CCDC170: variants seen among roughly 807,000 people sequenced by gnomAD.
The protein encoded by CCDC170 is coiled-coil domain containing 170.
A neutral mutation model predicts 72.6 loss-of-function variants in CCDC170; 69 were observed. The observed-to-expected ratio is 0.95, with a 90% CI of 0.78 to 1.16. CCDC170 has a LOEUF of 1.16. CCDC170 is among the 50% of genes most tolerant of loss of function. CCDC170 has a pLI of 0.00. For missense variants in CCDC170, 852 were observed against 832.5 expected, an observed-to-expected ratio of 1.02 and a Z score of -0.29; for synonymous variants, 300 against 303.9, an observed-to-expected ratio of 0.99 and a Z score of 0.13.
chr6:151,571,525 C>G (rs1378360459), intron 5 of CCDC170, among the ~76,000 whole-genome samples: 1 of 152,088 alleles, frequency 6.6e-6, no homozygotes, highest in African/African-American at 2.4e-5. Context: ...GTTGGGAGTT[C>G]AAGACCAGCC....
chr6:151,593,349 A>T (rs1776573375), intron 8 of CCDC170, 69 bp downstream of exon 8: 3 of 1,489,526 alleles, frequency 2.0e-6, no homozygotes, highest in Non-Finnish European at 2.8e-6. Context: ...TTGAAAAATA[A>T]TGTACTGCCA....
At chr6:151,581,898 A>G (rs1411159839) in intron 6 of CCDC170, among the ~76,000 whole-genome samples, 1 of 152,264 alleles carries the variant, frequency 6.6e-6, no homozygotes. Flanking sequence ...TTACTGAGCC[A>G]TAGGTCTCAA....
intron 5 of CCDC170, among the ~76,000 whole-genome samples, chr6:151,551,085 TAGAA>T (rs1942886654): frequency 6.6e-6 from 1 of 152,124 alleles, no homozygotes; most frequent in African/African-American, 2.4e-5. Context: ...TTCAAATATA[TAGAA>T]AGAGTGAAGG....
intron 6 of CCDC170, among the ~76,000 whole-genome samples, chr6:151,578,708 T>C (rs9371222): frequency 0.92 from 139,870 of 152,262 alleles, 64,487 homozygotes; most frequent in East Asian, 0.99. Flanking sequence ...ACAGTGCTGG[T>C]CACACAAGCC....
At chr6:151,529,328 A>T (rs1782458847) in intron 1 of CCDC170, among the ~76,000 whole-genome samples, 1 of 152,164 alleles carries the variant, frequency 6.6e-6, no homozygotes, top group South Asian at 2.1e-4. Context: ...ACAGGAATTT[A>T]TGGTTTCAAC....
chr6:151,565,661 A>T (rs910222909), intron 5 of CCDC170, among the ~76,000 whole-genome samples: 2 of 152,186 alleles, frequency 1.3e-5, no homozygotes, highest in Admixed American at 1.3e-4. Flanking sequence ...CTAGTCCATC[A>T]TCTTGAAGCC....
rs75199497 is a variant in CCDC170 at position 151,603,458 on chromosome 6, A to G, written c.1710+6881A>G. On this transcript the variant is annotated intron_variant, in intron 9 of 10. Coordinates refer to ENST00000239374, the MANE Select transcript of CCDC170 (RefSeq NM_025059.4). ...TTCTTATTAGCCCAGGATAACTACT[A>G]ATTGGCACAAACATAGCCTTATACA... Among the ~76,000 whole-genome samples the G allele has an allele frequency of 1.8e-4, 28 of 152,342 alleles. No individual in the cohort carries two copies. In the East Asian group the frequency reaches 5.2e-3, roughly 28 times the overall value.
chr6:151,601,961 A>G (rs1776716270), intron 9 of CCDC170, among the ~76,000 whole-genome samples: 1 of 152,206 alleles, frequency 6.6e-6, no homozygotes, highest in Non-Finnish European at 1.5e-5. Context: ...GATATACCAC[A>G]TTTTGGTTGT....
chr6:151,494,106 C>A lies in CCDC170; in HGVS notation c.-23C>A, dbSNP rs967045686. On this transcript the variant is annotated 5_prime_UTR_variant, in exon 1 of 11. Coordinates refer to ENST00000239374, the MANE Select transcript of CCDC170 (RefSeq NM_025059.4). ...CCTCAGGGCCGGTTCCGGGTCCGAG[C>A]GCGCCCCCGGGCTCGGGTCGTCATG... 4 of 1,491,690 alleles carry A rather than the reference C, an allele frequency of 2.7e-6. No individual in the cohort carries two copies. Among genetic ancestry groups the A allele is most frequent in the African/African-American group, 1.4e-5 (1 of 69,004 alleles). 92.4% of individuals were successfully genotyped at this position (1,491,690 alleles called of 1,614,324 possible). A position where few individuals can be genotyped will look rare whatever the true frequency, so the allele number is the denominator to read the frequency against.
Position 151,596,686 on chromosome 6 carries a change from C to T in CCDC170, c.1710+109C>T. 6 of 1,445,244 alleles carry T rather than the reference C, an allele frequency of 4.2e-6. No homozygotes were observed. In the South Asian group the frequency reaches 4.3e-5, roughly 10 times the overall value. The allele number at this position is 1,445,244 out of a possible 1,614,324, so 89.5% of individuals were successfully genotyped here. On this transcript the variant is annotated intron_variant, in intron 9 of 10. Transcript: ENST00000239374. The stretch of plus-strand genomic sequence containing the variant: ...CACGCCAGAAGAAGAAAGATGAAAG[C>T]CTCCTCTGATTTTCTAGAATTATGG...
intron 1 of CCDC170, among the ~76,000 whole-genome samples, chr6:151,503,163 G>A (rs2115019440): frequency 6.6e-6 from 1 of 152,054 alleles, no homozygotes; most frequent in South Asian, 2.1e-4. Flanking sequence ...GCGACAGGGC[G>A]AGACTACATT....
At chr6:151,616,597 G>A (rs555862888) in intron 10 of CCDC170, among the ~76,000 whole-genome samples, 2 of 152,282 alleles carry the variant, frequency 1.3e-5, no homozygotes, top group South Asian at 2.1e-4. Flanking sequence ...ACATTGGAAA[G>A]GGTAGAAGTC....
At chr6:151,561,184 C>T (rs898917896) in intron 5 of CCDC170, among the ~76,000 whole-genome samples, 2 of 151,734 alleles carry the variant, frequency 1.3e-5, no homozygotes, top group Admixed American at 1.3e-4. Flanking sequence ...GTATATCCAT[C>T]CCCTCAAGCA....
intron 1 of CCDC170, among the ~76,000 whole-genome samples, chr6:151,503,784 G>C (rs1039737124): frequency 6.6e-6 from 1 of 152,072 alleles, no homozygotes; most frequent in Non-Finnish European, 1.5e-5. Context: ...TTTGTGGAAT[G>C]TTCCTCGATT....
chr6:151,497,952 C>CAAAA (rs59201906), intron 1 of CCDC170, among the ~76,000 whole-genome samples: 348 of 58,000 alleles, frequency 6.0e-3, no homozygotes, highest in Middle Eastern at 0.011. Flanking sequence ...CACACCATCT[C>CAAAA]AAAAAAAAAA....
intron 1 of CCDC170, among the ~76,000 whole-genome samples, chr6:151,500,946 A>G (rs1371036623): frequency 6.6e-6 from 1 of 152,152 alleles, no homozygotes; most frequent in Non-Finnish European, 1.5e-5. Context: ...GTCACTGTGA[A>G]GAATAGAAAT....
chr6:151,608,920 C>T (rs1401197036), intron 9 of CCDC170, among the ~76,000 whole-genome samples: 1 of 152,188 alleles, frequency 6.6e-6, no homozygotes, highest in African/African-American at 2.4e-5. Flanking sequence ...GCTGTGGTCT[C>T]CTGTAGCTAA....
chr6:151,609,265 G>T (rs118012704), intron 9 of CCDC170, among the ~76,000 whole-genome samples: 2 of 152,126 alleles, frequency 1.3e-5, no homozygotes, highest in African/African-American at 4.8e-5. Context: ...GAGGGACACA[G>T]CATCTATTCG....
chr6:151,505,553 T>G (rs181059519), intron 1 of CCDC170, among the ~76,000 whole-genome samples: 83 of 152,076 alleles, frequency 5.5e-4, no homozygotes, highest in Non-Finnish European at 9.7e-4. Context: ...GCGTGGTGGC[T>G]GGTGCCTGCA....
Sources: allele counts gnomAD v4.1 joint callset (sites outside exome capture counted in the v4.1 genomes callset), GRCh38; gene constraint gnomAD v4.1.1; transcripts MANE v1.5; gene names NCBI Gene and HGNC (gene_info 2026-07-23, HGNC 2026-07-21).